The following DCHS2 variants were observed in gnomAD, a reference collection of about 807,000 sequenced individuals.
DCHS2 encodes the protein dachsous cadherin-related 2.
In DCHS2, 142 loss-of-function variants were observed where a neutral mutation model predicts 182.4. That is an observed-to-expected ratio of 0.78 (90% CI 0.68 to 0.89). The LOEUF (loss-of-function observed/expected upper bound fraction) is 0.89, where lower values mean the gene tolerates loss of function less well. DCHS2 is among the 40% of genes least tolerant of loss of function. The pLI is 0.00. For missense variants in DCHS2, 4,319 were observed against 4,198.6 expected (o/e 1.03, Z -0.79); for synonymous variants, 1,740 against 1,663.3 (o/e 1.05, Z -1.12).
chr4:154,407,260 CAT>C (rs1227244749), intron 1 of DCHS2, among the ~76,000 whole-genome samples: 1 of 152,132 alleles, frequency 6.6e-6, no homozygotes, highest in African/African-American at 2.4e-5. Context: ...AAGGTTGAGT[CAT>C]ATGGACCTTA....
intron 3 of DCHS2, among the ~76,000 whole-genome samples, chr4:154,361,204 C>A (rs1217955862): frequency 1.3e-5 from 2 of 151,988 alleles, no homozygotes; most frequent in Non-Finnish European, 2.9e-5. Context: ...AATAAATGAC[C>A]AGCACAAAAG....
intron 1 of DCHS2, among the ~76,000 whole-genome samples, chr4:154,440,561 A>G (rs1379955167): frequency 6.6e-6 from 1 of 152,184 alleles, no homozygotes; most frequent in Non-Finnish European, 1.5e-5. Context: ...GACCCTTTGG[A>G]GGGCCAAAAA....
At chr4:154,330,347 A>G (rs949951041) in intron 5 of DCHS2, among the ~76,000 whole-genome samples, 6 of 143,236 alleles carry the variant, frequency 4.2e-5, no homozygotes, top group Admixed American at 3.4e-4. Context: ...TACATGTAGC[A>G]GTGGATAGTG....
intron 1 of DCHS2, among the ~76,000 whole-genome samples, chr4:154,468,110 C>T (rs540875908): frequency 2.3e-4 from 35 of 152,110 alleles, no homozygotes; most frequent in Non-Finnish European, 2.9e-4. Context: ...GTTTCATATA[C>T]AAAAGGATTA....
intron 16 of DCHS2, among the ~76,000 whole-genome samples, chr4:154,248,911 C>T (rs777881639): frequency 1.6e-4 from 24 of 152,126 alleles, no homozygotes; most frequent in Non-Finnish European, 2.9e-4. Flanking sequence ...AGATCCTTAC[C>T]TTTTACCATA....
At chr4:154,417,192 TGTGTGTGTGTGTGAGAGAGAGAGAGA>T (rs1044598488) in intron 1 of DCHS2, among the ~76,000 whole-genome samples, 4 of 104,096 alleles carry the variant, frequency 3.8e-5, no homozygotes, top group African/African-American at 7.6e-5. Context: ...TGTGTGTGTG[TGTGTGTGTGTGTGAGAGAGAGAGAGA>T]GAGAGAGAGA....
chr4:154,376,215 G>T (rs181930315), intron 2 of DCHS2, among the ~76,000 whole-genome samples: 1 of 151,980 alleles, frequency 6.6e-6, no homozygotes, highest in Non-Finnish European at 1.5e-5. Context: ...TATTATTTGT[G>T]CATTTCTCTG....
chr4:154,471,389 C>G (rs931135459), intron 1 of DCHS2, among the ~76,000 whole-genome samples: 7 of 152,112 alleles, frequency 4.6e-5, no homozygotes, highest in African/African-American at 1.7e-4. Context: ...CTTTTCATAT[C>G]ACAGCATGAG....
intron 1 of DCHS2, among the ~76,000 whole-genome samples, chr4:154,387,427 A>G (rs75428941): frequency 0.049 from 7,448 of 152,312 alleles, 279 homozygotes; most frequent in South Asian, 0.14. Context: ...AGTGTATATA[A>G]CAAAGAAAAC....
Position 154,332,946 on chromosome 4 carries a change from C to A in DCHS2, c.3262G>T (p.Val1088Phe), listed in dbSNP as rs1728530512. 1.2e-6 allele frequency: 2 copies of A among 1,614,092 alleles called. No homozygotes were observed. Among genetic ancestry groups the A allele is most frequent in the South Asian group, 1.1e-5 (1 of 91,090 alleles). The change falls in exon 5 of 20, where the codon GTC becomes TTC. Residue 1088 changes from valine (V) to phenylalanine (F), a missense_variant. By Grantham distance (50) the Val-to-Phe change is conservative. Coordinates refer to ENST00000357232, the MANE Select transcript of DCHS2 (RefSeq NM_001358235.2). ...HSPSWTFEHL[V>F]YQVEVSESLS... ...GACTCACTGACTTCCACTTGATAGA[C>A]CAAATGTTCGAAAGTCCAGGATGGG...
In DCHS2 at chr4:154,332,541, T is replaced by G. The variant is rs1736580392; in HGVS notation, c.3667A>C (p.Asn1223His). ...ITAIDMDSGKNGQLLYFLLSD... is the reference protein window; with the variant it reads ...ITAIDMDSGKHGQLLYFLLSD... ...AAAAGGAAATATAATAGCTGTCCAT[T>G]CTTTCCAGAGTCCATGTCAATAGCT... Residue 1223 changes from asparagine (N) to histidine (H), a missense_variant, in exon 5 of 20, where the codon AAT (asparagine) becomes CAT (histidine). Transcript: ENST00000357232. The G allele has an allele frequency of 1.2e-6, 2 of 1,614,056 alleles. No homozygotes were observed. Among genetic ancestry groups the G allele is most frequent in the African/African-American group, 2.7e-5 (2 of 74,934 alleles).
intron 1 of DCHS2, among the ~76,000 whole-genome samples, chr4:154,399,677 G>A (rs1393714610): frequency 6.6e-6 from 1 of 152,214 alleles, no homozygotes; most frequent in Admixed American, 6.5e-5. Flanking sequence ...GACCAGCAGA[G>A]GGAGTTGGTG....
chr4:154,263,483 TGA>T (rs950507464), intron 14 of DCHS2, among the ~76,000 whole-genome samples: 8 of 152,168 alleles, frequency 5.3e-5, no homozygotes, highest in Middle Eastern at 3.4e-3. Flanking sequence ...ACAGAAATCC[TGA>T]GAGGTTAGTA....
chr4:154,269,757 A>T, intron 14 of DCHS2, 143 bp downstream of exon 14: 1 of 883,700 alleles, frequency 1.1e-6, no homozygotes, highest in Non-Finnish European at 1.7e-6. Context: ...ATTTCCCATA[A>T]TTTTTCATAG....
intron 3 of DCHS2, among the ~76,000 whole-genome samples, chr4:154,349,828 A>G (rs931650754): frequency 6.6e-6 from 1 of 152,248 alleles, no homozygotes; most frequent in African/African-American, 2.4e-5. Flanking sequence ...ATAAATCAGA[A>G]GCCTTATTTT....
At chr4:154,322,201 A>G in intron 8 of DCHS2, 130 bp downstream of exon 8, 2 of 1,306,798 alleles carry the variant, frequency 1.5e-6, no homozygotes, top group Admixed American at 2.6e-5. Flanking sequence ...TGCTCTCAAA[A>G]TAGTATTCAT....
At chr4:154,370,183 C>T (rs1383155988) in intron 2 of DCHS2, among the ~76,000 whole-genome samples, 4 of 152,090 alleles carry the variant, frequency 2.6e-5, no homozygotes, top group Non-Finnish European at 5.9e-5. Flanking sequence ...TAAGTTGTGA[C>T]ATCACCAAAT....
intron 1 of DCHS2, among the ~76,000 whole-genome samples, chr4:154,389,038 T>C (rs1234904454): frequency 6.6e-6 from 1 of 152,126 alleles, no homozygotes; most frequent in Non-Finnish European, 1.5e-5. Flanking sequence ...GTAAATATTT[T>C]AGGCTGCACA....
chr4:154,359,168 T>C (rs1023847536), intron 3 of DCHS2, among the ~76,000 whole-genome samples: 17 of 151,930 alleles, frequency 1.1e-4, no homozygotes, highest in African/African-American at 4.1e-4. Context: ...AGAGCACTGG[T>C]TATTTTCTAT....
Sources: allele counts gnomAD v4.1 joint callset (sites outside exome capture counted in the v4.1 genomes callset), GRCh38; gene constraint gnomAD v4.1.1; transcripts MANE v1.5; gene names NCBI Gene and HGNC (gene_info 2026-07-23, HGNC 2026-07-21).